Variants in FOXK2 observed in about 807,000 individuals in gnomAD.
The protein encoded by FOXK2 is forkhead box protein K2.
FOXK2 carries 24 observed loss-of-function variants against 53.3 expected under a neutral mutation model. That is an observed-to-expected ratio of 0.45 (90% CI 0.33 to 0.63). The LOEUF is 0.63. FOXK2 is among the 30% of genes least tolerant of loss of function. FOXK2 has a pLI of 0.03. For synonymous variants in FOXK2, 505 were observed against 407.1 expected (o/e 1.24, Z -2.89); for missense variants, 952 against 910.5 (o/e 1.05, Z -0.59).
At chr17:82,579,278 C>T (rs1490071898) in intron 4 of FOXK2, among the ~76,000 whole-genome samples, 1 of 152,188 alleles carries the variant, frequency 6.6e-6, no homozygotes, top group Non-Finnish European at 1.5e-5. Flanking sequence ...CTGTCTTTGT[C>T]GGGGCACCAA....
chr17:82,550,389 G>T (rs1408899026), intron 1 of FOXK2, among the ~76,000 whole-genome samples: 2 of 152,188 alleles, frequency 1.3e-5, no homozygotes, highest in Non-Finnish European at 1.5e-5. Flanking sequence ...AGCAAGATGG[G>T]CTGTGTCCCA....
intron 1 of FOXK2, among the ~76,000 whole-genome samples, chr17:82,528,746 A>G (rs745389471): frequency 2.6e-5 from 4 of 152,220 alleles, no homozygotes; most frequent in South Asian, 2.1e-4. Context: ...TTGGGCTTCA[A>G]ACGCCTCTGC....
intron 6 of FOXK2, among the ~76,000 whole-genome samples, chr17:82,585,504 A>G (rs565501049): frequency 6.6e-6 from 1 of 152,172 alleles, no homozygotes; most frequent in South Asian, 2.1e-4. Context: ...TTTGTCGTAG[A>G]GACAGGGTCT....
At chr17:82,576,379 G>A (rs561239795) in intron 4 of FOXK2, among the ~76,000 whole-genome samples, 4 of 152,358 alleles carry the variant, frequency 2.6e-5, no homozygotes, top group Non-Finnish European at 5.9e-5. Flanking sequence ...TGAGAGAAGT[G>A]TCTCCTTGAG....
chr17:82,520,541 C>G (rs762814254), intron 1 of FOXK2, among the ~76,000 whole-genome samples: 16 of 152,228 alleles, frequency 1.1e-4, no homozygotes, highest in Non-Finnish European at 2.1e-4. Context: ...CGTCTTTCCC[C>G]CTTCCTGGAG....
rs180985046 is a variant in FOXK2 at position 82,601,573 on chromosome 17, C to T, written c.*74C>T. 8 of 1,454,444 alleles carry T rather than the reference C, an allele frequency of 5.5e-6. No homozygotes were observed. The highest frequency in any genetic ancestry group is 4.8e-5 in the East Asian group (2 of 41,338). 90.1% of individuals were successfully genotyped at this position (1,454,444 alleles called of 1,614,324 possible). ...GGAGACGCGGCCTCCCGCCAGCACT[C>T]GGGGGTGCAGGGCCCTGTGGTTGGA... On this transcript the variant is annotated 3_prime_UTR_variant, in exon 9 of 9. Coordinates refer to ENST00000335255, the MANE Select transcript of FOXK2 (RefSeq NM_004514.4).
chr17:82,587,273 G>GTAAGA lies in FOXK2; in HGVS notation c.1786+2_1786+6dup, dbSNP rs753978687. 6.2e-7 allele frequency: 1 copy of GTAAGA among 1,611,104 alleles called. No individual in the cohort carries two copies. Among genetic ancestry groups the GTAAGA allele is most frequent in the Non-Finnish European group, 8.5e-7 (1 of 1,179,162 alleles). On this transcript the variant is annotated splice_donor_variant, in intron 8 of 8. Coordinates refer to ENST00000335255, the MANE Select transcript of FOXK2 (RefSeq NM_004514.4). LOFTEE classifies it high-confidence loss of function. ...GCGGTCCACGGCCAGGTGAACAATG[G>GTAAGA]TAAGACATGCTGGTCGGTGGCTCCC...
At position 82,574,081 on chromosome 17, in the gene FOXK2, C is replaced by T. The variant is rs529012943; in HGVS notation, c.909+2211C>T. Reference sequence around the variant, plus strand: ...TTGCAGGTGCCTGCACAGCTCACGTCGGCAGGGAATGACAGACTAGCACAC... The same window carrying T: ...TTGCAGGTGCCTGCACAGCTCACGTTGGCAGGGAATGACAGACTAGCACAC... On this transcript the variant is annotated intron_variant, in intron 4 of 8. Coordinates refer to ENST00000335255, the MANE Select transcript of FOXK2 (RefSeq NM_004514.4). Among the ~76,000 whole-genome samples, 18 of 152,352 alleles carry T rather than the reference C, an allele frequency of 1.2e-4. No homozygotes were observed. In the East Asian group the frequency reaches 1.7e-3, roughly 15 times the overall value.
At chr17:82,542,048 G>T (rs2044579396) in intron 1 of FOXK2, among the ~76,000 whole-genome samples, 1 of 151,348 alleles carries the variant, frequency 6.6e-6, no homozygotes. Flanking sequence ...GCCTGGCTAT[G>T]TTTGTATTTT....
intron 8 of FOXK2, among the ~76,000 whole-genome samples, chr17:82,594,230 G>A (rs8069364): frequency 0.17 from 25,877 of 152,174 alleles, 2,356 homozygotes; most frequent in Middle Eastern, 0.23. Context: ...CGGGCACGGC[G>A]GCTCACACCT....
chr17:82,565,555 T>C (rs905685179), intron 2 of FOXK2, among the ~76,000 whole-genome samples: 1 of 152,234 alleles, frequency 6.6e-6, no homozygotes, highest in African/African-American at 2.4e-5. Context: ...CATGAAAAGA[T>C]ATTCAGCATC....
intron 1 of FOXK2, among the ~76,000 whole-genome samples, chr17:82,524,748 A>G (rs1463719044): frequency 6.6e-6 from 1 of 152,134 alleles, no homozygotes; most frequent in Non-Finnish European, 1.5e-5. Flanking sequence ...GGGAGACTGG[A>G]GGGTGGGCTC....
intron 1 of FOXK2, among the ~76,000 whole-genome samples, chr17:82,557,357 TTTTTGAGACAGA>T (rs535474851): frequency 0.014 from 2,157 of 151,170 alleles, 17 homozygotes; most frequent in Non-Finnish European, 0.021. Flanking sequence ...TATATATATA[TTTTTGAGACAGA>T]ATCTCACACT....
Position 82,601,320 on chromosome 17 carries a change from C to G in FOXK2, c.1804C>G (p.His602Asp). The change falls in exon 9 of 9, where the codon CAC becomes GAC. Residue 602 changes from histidine to aspartate, a missense_variant. This residue lies in a region of FOXK2 where 551 missense variants were observed against 385.1 expected (regional missense o/e 1.43). Coordinates refer to ENST00000335255, the MANE Select transcript of FOXK2 (RefSeq NM_004514.4). ...CATTTCAGCCGCGGCGAGTCCTTTG[C>G]ACATGTTGGCAACACACGCATCCGC... ...QVNNAAASPL[H>D]MLATHASASA... The G allele has an allele frequency of 6.2e-7, 1 of 1,612,608 alleles. No homozygotes were observed. Among genetic ancestry groups the G allele is most frequent in the Non-Finnish European group, 8.5e-7 (1 of 1,179,824 alleles).
At chr17:82,596,831 C>T (rs1443990714) in intron 8 of FOXK2, among the ~76,000 whole-genome samples, 1 of 152,196 alleles carries the variant, frequency 6.6e-6, no homozygotes, top group Non-Finnish European at 1.5e-5. Context: ...CCACAGACCA[C>T]CCCCTCCCCA....
intron 1 of FOXK2, among the ~76,000 whole-genome samples, chr17:82,522,041 C>CTTTTTTT (rs924582731): frequency 1.9e-5 from 2 of 107,268 alleles, no homozygotes; most frequent in Non-Finnish European, 3.7e-5. Context: ...TTTAATCTGA[C>CTTTTTTT]TTTTTTTTTT....
chr17:82,568,145 G>A lies in FOXK2; in HGVS notation c.706G>A (p.Ala236Thr). The change falls in exon 3 of 9, where the codon GCT becomes ACT. Residue 236 changes from alanine to threonine, a missense_variant. Coordinates refer to ENST00000335255, the MANE Select transcript of FOXK2 (RefSeq NM_004514.4). ...GATGCCATCTGACCTCAATTTAATG[G>A]CTGACAACTCACAGCCTGAAAATGA... Reference protein sequence around the residue: ...RVMPSDLNLMADNSQPENEKE... With the variant: ...RVMPSDLNLMTDNSQPENEKE... 2 of 1,613,810 alleles carry A rather than the reference G, an allele frequency of 1.2e-6. No individual in the cohort carries two copies. Among genetic ancestry groups the A allele is most frequent in the Non-Finnish European group, 1.7e-6 (2 of 1,180,006 alleles).
At chr17:82,555,945 T>A (rs1338499430) in intron 1 of FOXK2, among the ~76,000 whole-genome samples, 1 of 122,604 alleles carries the variant, frequency 8.2e-6, no homozygotes, top group African/African-American at 3.0e-5. Context: ...CACAAAAGCA[T>A]AGAAAATGGC....
At chr17:82,597,116 C>A (rs190125440) in intron 8 of FOXK2, among the ~76,000 whole-genome samples, 3 of 152,198 alleles carry the variant, frequency 2.0e-5, no homozygotes, top group Non-Finnish European at 2.9e-5. Context: ...TGTAACACAC[C>A]CGTGTCGACA....
Sources: allele counts gnomAD v4.1 joint callset (sites outside exome capture counted in the v4.1 genomes callset), GRCh38; gene constraint gnomAD v4.1.1; regional missense constraint gnomAD v4.1.1; transcripts MANE v1.5; gene names NCBI Gene and HGNC (gene_info 2026-07-23, HGNC 2026-07-21).